The following ADAMTSL3 variants were observed in gnomAD, a reference collection of about 807,000 sequenced individuals.
ADAMTSL3 encodes the protein ADAMTS like 3.
ADAMTSL3 carries 128 observed loss-of-function variants against 201.7 expected under a neutral mutation model. The observed-to-expected ratio is 0.63, with a 90% confidence interval of 0.55 to 0.73. The LOEUF is 0.73. ADAMTSL3 is among the 30% of genes least tolerant of loss of function. The pLI, the probability that ADAMTSL3 is intolerant of heterozygous loss-of-function variation, is 0.00. For missense variants in ADAMTSL3, 1,990 were observed against 2,119.6 expected (o/e 0.94, Z 1.20); for synonymous variants, 738 against 748.4 (o/e 0.99, Z 0.23).
intron 16 of ADAMTSL3, among the ~76,000 whole-genome samples, chr15:83,921,109 C>G (rs2141982722): frequency 6.6e-6 from 1 of 152,276 alleles, no homozygotes; most frequent in South Asian, 2.1e-4. Flanking sequence ...CTCCCTTTTC[C>G]TGCCACAAAT....
At chr15:83,798,649 T>G (rs552735365) in intron 4 of ADAMTSL3, among the ~76,000 whole-genome samples, 1 of 151,496 alleles carries the variant, frequency 6.6e-6, no homozygotes, top group East Asian at 2.0e-4. Flanking sequence ...CTACTAAAAA[T>G]ACAAAAATTA....
At position 83,891,344 on chromosome 15, in the gene ADAMTSL3, G is replaced by T. The variant is rs770165561; in HGVS notation, c.1227G>T (p.Glu409Asp). ...DPCPSSDGFKEIMPYDHFQPL... is the reference protein window; with the variant it reads ...DPCPSSDGFKDIMPYDHFQPL... ...TCATTTGTAGTGATGGATTTAAAGA[G>T]ATAATGCCCTATGACCACTTCCAAC... The change falls in exon 12 of 30, where the codon GAG becomes GAT. Residue 409 changes from glutamate (E) to aspartate (D), a missense_variant. By Grantham distance (45) the Glu-to-Asp change is conservative. Transcript: ENST00000286744. 1 of 1,612,246 alleles carries T rather than the reference G, an allele frequency of 6.2e-7. No individual in the cohort carries two copies. The highest frequency in any genetic ancestry group is 1.7e-5 in the Admixed American group (1 of 60,002).
At chr15:83,891,430 A>T (rs764154681) in intron 12 of ADAMTSL3, 51 bp downstream of exon 12, 2 of 1,484,974 alleles carry the variant, frequency 1.3e-6, no homozygotes. Flanking sequence ...GTTTGCAAGG[A>T]ACTGTAGCAT....
At chr15:83,734,796 G>T (rs988486551) in intron 3 of ADAMTSL3, among the ~76,000 whole-genome samples, 2 of 152,060 alleles carry the variant, frequency 1.3e-5, no homozygotes, top group African/African-American at 4.8e-5. Flanking sequence ...CTCTCAACTT[G>T]GGGATGATTT....
rs142315064 is a variant in ADAMTSL3 at position 83,824,677 on chromosome 15, T to C, written c.600+4630T>C. On this transcript the variant is annotated intron_variant, in intron 6 of 29. Transcript: ENST00000286744. ...CTAACCCCTGGCAACCATGGATCTT[T>C]TTACTGTCTCCATAGTTTTTGCCTT... 2.1e-3 allele frequency among the ~76,000 whole-genome samples: 317 copies of C among 152,306 alleles called. 7 individuals are homozygous for C. The highest frequency in any genetic ancestry group is 0.017 in the East Asian group (88 of 5,174).
chr15:83,784,265 C>G (rs1234719416), intron 4 of ADAMTSL3, among the ~76,000 whole-genome samples: 4 of 152,098 alleles, frequency 2.6e-5, no homozygotes, highest in African/African-American at 9.7e-5. Flanking sequence ...ACTAACTGCC[C>G]CTATGCCACT....
chr15:83,798,954 T>C (rs750561027), intron 4 of ADAMTSL3, among the ~76,000 whole-genome samples: 4 of 152,160 alleles, frequency 2.6e-5, no homozygotes, highest in Admixed American at 6.5e-5. Context: ...ATTCACTCAT[T>C]CCTGCTCCCC....
chr15:83,932,558 T>C (rs1240722450), intron 17 of ADAMTSL3, among the ~76,000 whole-genome samples: 1 of 152,120 alleles, frequency 6.6e-6, no homozygotes, highest in Admixed American at 6.5e-5. Flanking sequence ...TAAAGAGAGA[T>C]TGCAAGGAGA....
Position 83,913,076 on chromosome 15 carries a change from TC to T in ADAMTSL3, c.1701-14del, listed in dbSNP as rs769267232. 6.2e-7 allele frequency: 1 copy of T among 1,609,752 alleles called. No homozygotes were observed. Among genetic ancestry groups the T allele is most frequent in the Non-Finnish European group, 8.5e-7 (1 of 1,176,986 alleles). On this transcript the variant is annotated splice_polypyrimidine_tract_variant and intron_variant, in intron 15 of 29. Coordinates refer to ENST00000286744, the MANE Select transcript of ADAMTSL3 (RefSeq NM_207517.3). ...CCCTCAGTGTCCTTTTCTGGTGGCT[TC>T]CTGGTTTTCCCTAGGTTCATTCCAG...
intron 2 of ADAMTSL3, among the ~76,000 whole-genome samples, chr15:83,656,429 C>T (rs555008391): frequency 1.6e-4 from 25 of 152,324 alleles, no homozygotes; most frequent in African/African-American, 5.3e-4. Context: ...GTGCAGAACG[C>T]GTGCTCCATC....
intron 2 of ADAMTSL3, among the ~76,000 whole-genome samples, chr15:83,657,429 T>C (rs993500890): frequency 2.0e-5 from 3 of 152,170 alleles, no homozygotes; most frequent in Non-Finnish European, 4.4e-5. Flanking sequence ...AGACCAGCAG[T>C]CTTCATCATT....
chr15:83,734,317 T>TG (rs1357892713), intron 3 of ADAMTSL3, among the ~76,000 whole-genome samples: 1 of 152,218 alleles, frequency 6.6e-6, no homozygotes, highest in Non-Finnish European at 1.5e-5. Flanking sequence ...TTACCTATTA[T>TG]GTGAATCTGG....
intron 2 of ADAMTSL3, among the ~76,000 whole-genome samples, chr15:83,690,402 G>A (rs1421438606): frequency 1.3e-5 from 2 of 151,964 alleles, no homozygotes; most frequent in African/African-American, 4.8e-5. Flanking sequence ...GCTACACACC[G>A]TTCATGCAAC....
chr15:83,810,588 TATAGGCAGGGCTACATC>T (rs1478269894), intron 5 of ADAMTSL3, among the ~76,000 whole-genome samples: 2 of 152,342 alleles, frequency 1.3e-5, no homozygotes, highest in Middle Eastern at 6.8e-3. Context: ...AAAACTAACA[TATAGGCAGGGCTACATC>T]ATTCTGGAGG....
intron 19 of ADAMTSL3, among the ~76,000 whole-genome samples, chr15:83,958,122 T>TA (rs2066894527): frequency 6.6e-6 from 1 of 152,072 alleles, no homozygotes; most frequent in Non-Finnish European, 1.5e-5. Flanking sequence ...TGGGCAGCGA[T>TA]AAAAAAGAGG....
intron 2 of ADAMTSL3, among the ~76,000 whole-genome samples, chr15:83,675,585 T>C (rs1241143922): frequency 2.7e-5 from 4 of 150,262 alleles, no homozygotes; most frequent in Non-Finnish European, 5.9e-5. Flanking sequence ...CGTGCTGTTT[T>C]CTTTTTTTTT....
intron 5 of ADAMTSL3, among the ~76,000 whole-genome samples, chr15:83,806,565 T>C (rs1407359660): frequency 1.3e-5 from 2 of 152,170 alleles, no homozygotes; most frequent in Non-Finnish European, 2.9e-5. Context: ...TCAAAGTAGA[T>C]ACACAAGGCT....
chr15:83,686,540 A>G (rs140232094), intron 2 of ADAMTSL3, among the ~76,000 whole-genome samples: 227 of 152,262 alleles, frequency 1.5e-3, no homozygotes, highest in African/African-American at 5.2e-3. Flanking sequence ...GGATTCTTCT[A>G]TGTGGTGTTC....
At chr15:83,692,145 G>GT (rs143546606) in intron 2 of ADAMTSL3, among the ~76,000 whole-genome samples, 27 of 148,938 alleles carry the variant, frequency 1.8e-4, no homozygotes, top group South Asian at 6.5e-4. Context: ...GTTTGTAACA[G>GT]TTTTTTTTTT....
Sources: allele counts gnomAD v4.1 joint callset (sites outside exome capture counted in the v4.1 genomes callset), GRCh38; gene constraint gnomAD v4.1.1; transcripts MANE v1.5; gene names NCBI Gene and HGNC (gene_info 2026-07-23, HGNC 2026-07-21).